The following PTPN3 variants were observed in gnomAD, a reference collection of about 807,000 sequenced individuals.
PTPN3 encodes the protein protein tyrosine phosphatase non-receptor type 3.
Under a neutral mutation model 132.7 loss-of-function variants are expected in PTPN3, and 96 were observed. The ratio of observed to expected loss-of-function variants is 0.72; its 90% CI spans 0.61 to 0.86. The LOEUF (loss-of-function observed/expected upper bound fraction) is 0.86. Ranked by LOEUF, PTPN3 falls within the 40% of genes least tolerant of loss-of-function variation. The pLI is 0.00. For missense variants in PTPN3, 1,125 were observed against 1,159.6 expected (o/e 0.97, Z 0.43); for synonymous variants, 398 against 429.0 (o/e 0.93, Z 0.89).
the PTPN3 span, among the ~76,000 whole-genome samples, chr9:109,514,815 G>C: frequency 7.2e-5 from 11 of 152,130 alleles, no homozygotes; most frequent in Non-Finnish European, 1.3e-4. Context: ...TGTTAGATGT[G>C]AGGCAATTAG....
Position 109,417,663 on chromosome 9 carries a change from C to A in PTPN3, c.1313+2761G>T, listed in dbSNP as rs1460218736. ...AGACCCAGCACAAAGTGGCTTCCCA[C>A]CGGCAGGAAGAGGTCTCCCACCTAA... On this transcript the variant is annotated intron_variant, in intron 14 of 25. Coordinates refer to ENST00000374541, the MANE Select transcript of PTPN3 (RefSeq NM_002829.4). The A allele has an allele frequency of 1.1e-5, 11 of 985,208 alleles. No individual in the cohort carries two copies. The Admixed American group carries it at 1.8e-4, about 17-fold the overall frequency. The allele number at this position is 985,208 out of a possible 1,614,324, so 61.0% of individuals were successfully genotyped here.
At chr9:109,506,625 C>T in the PTPN3 span, among the ~76,000 whole-genome samples, 1 of 136,302 alleles carries the variant, frequency 7.3e-6, no homozygotes, top group African/African-American at 2.7e-5. Context: ...TTTTTTGCGA[C>T]AGGGTCTATC....
At chr9:109,386,049 A>C (rs1035630216) in intron 22 of PTPN3, among the ~76,000 whole-genome samples, 4 of 152,176 alleles carry the variant, frequency 2.6e-5, no homozygotes, top group Admixed American at 6.5e-5. Flanking sequence ...GGTGAACACA[A>C]ATGGGACATA....
chr9:109,392,011 CTA>C (rs1840163016), intron 19 of PTPN3, among the ~76,000 whole-genome samples: 3 of 152,068 alleles, frequency 2.0e-5, no homozygotes, highest in Non-Finnish European at 4.4e-5. Flanking sequence ...TTTCAGGAGT[CTA>C]TTTCCACAGG....
the PTPN3 span, among the ~76,000 whole-genome samples, chr9:109,532,598 A>G: frequency 8.8e-6 from 1 of 113,856 alleles, no homozygotes; most frequent in East Asian, 2.1e-4. Context: ...AAAAAAAAGA[A>G]CTAAACTAAA....
intron 10 of PTPN3, among the ~76,000 whole-genome samples, chr9:109,432,587 C>A (rs1349566443): frequency 6.6e-6 from 1 of 152,220 alleles, no homozygotes; most frequent in African/African-American, 2.4e-5. Context: ...GCGGGACAGG[C>A]TGGCCTACAG....
intron 10 of PTPN3, among the ~76,000 whole-genome samples, chr9:109,431,569 G>C (rs1843666287): frequency 1.3e-5 from 2 of 152,312 alleles, no homozygotes; most frequent in South Asian, 2.1e-4. Flanking sequence ...AAAGAGATGA[G>C]GTGAATGAAA....
At chr9:109,434,577 G>A (rs920245647) in intron 9 of PTPN3, among the ~76,000 whole-genome samples, 1 of 152,218 alleles carries the variant, frequency 6.6e-6, no homozygotes, top group African/African-American at 2.4e-5. Flanking sequence ...CAAAGTGCTG[G>A]GGTTAAAGGC....
chr9:109,392,115 C>A (rs1840174689), intron 19 of PTPN3, among the ~76,000 whole-genome samples: 1 of 152,186 alleles, frequency 6.6e-6, no homozygotes, highest in African/African-American at 2.4e-5. Context: ...ACAACACAAT[C>A]TTTGCATATC....
At chr9:109,395,812 C>T (rs1840540693) in intron 19 of PTPN3, among the ~76,000 whole-genome samples, 1 of 148,906 alleles carries the variant, frequency 6.7e-6, no homozygotes, top group Non-Finnish European at 1.5e-5. Context: ...GTGTGTGTCT[C>T]TCTCTCTCTA....
intron 22 of PTPN3, among the ~76,000 whole-genome samples, chr9:109,385,480 G>A (rs1839501631): frequency 6.6e-6 from 1 of 152,128 alleles, no homozygotes. Flanking sequence ...ACCCTATGAG[G>A]TAGGTACTAT....
chr9:109,394,454 ATT>A (rs11407022), intron 19 of PTPN3, among the ~76,000 whole-genome samples: 24 of 140,062 alleles, frequency 1.7e-4, no homozygotes, highest in South Asian at 2.3e-4. Flanking sequence ...CAGTGTTTAC[ATT>A]TTTTTTTTTT....
chr9:109,475,111 C>A lies in PTPN3; in HGVS notation c.-17-11660G>T, dbSNP rs539814487. Among the ~76,000 whole-genome samples the A allele has an allele frequency of 2.0e-3, 302 of 152,204 alleles. 14 individuals carry two copies. In the South Asian group the frequency reaches 0.059, roughly 30 times the overall value. ...ACCTGCACAAATATGGAAGGAAGTGCCCTGTAAGAGAGTGAGCTCCTCATC... is the reference window on the plus strand; with the variant it reads ...ACCTGCACAAATATGGAAGGAAGTGACCTGTAAGAGAGTGAGCTCCTCATC... On this transcript the variant is annotated intron_variant, in intron 1 of 25. Coordinates refer to ENST00000374541, the MANE Select transcript of PTPN3 (RefSeq NM_002829.4).
Position 109,406,449 on chromosome 9 carries a change from A to AG in PTPN3, c.1792+12dup. The AG allele has an allele frequency of 6.2e-7, 1 of 1,610,724 alleles. No homozygotes were observed. The highest frequency in any genetic ancestry group is 8.5e-7 in the Non-Finnish European group (1 of 1,177,882). Reference sequence around the variant, plus strand: ...CAGCTTCCCTATGGCTCCTCCCCCCAGGTGGCCATTACCTCTCCTCCTGAT... The same window carrying AG: ...CAGCTTCCCTATGGCTCCTCCCCCCAGGGTGGCCATTACCTCTCCTCCTGAT... On this transcript the variant is annotated intron_variant, in intron 18 of 25. Coordinates refer to ENST00000374541, the MANE Select transcript of PTPN3 (RefSeq NM_002829.4).
At chr9:109,467,271 T>TC (rs1208617435) in intron 1 of PTPN3, among the ~76,000 whole-genome samples, 2 of 152,202 alleles carry the variant, frequency 1.3e-5, no homozygotes. Flanking sequence ...GGTTACATTT[T>TC]TTTTTTTCAA....
intron 1 of PTPN3, among the ~76,000 whole-genome samples, chr9:109,494,938 C>A (rs1847613131): frequency 6.6e-6 from 1 of 152,040 alleles, no homozygotes; most frequent in African/African-American, 2.4e-5. Context: ...CAGGTGCACA[C>A]ACAAGCAGAA....
intron 18 of PTPN3, 46 bp from the exon 19 acceptor site, chr9:109,404,654 G>T: frequency 7.3e-7 from 1 of 1,378,676 alleles, no homozygotes; most frequent in African/African-American, 1.4e-5. Context: ...GCAATACTCA[G>T]GTTTATCCGT....
At chr9:109,506,519 C>T in the PTPN3 span, among the ~76,000 whole-genome samples, 1 of 151,254 alleles carries the variant, frequency 6.6e-6, no homozygotes, top group Non-Finnish European at 1.5e-5. Context: ...TTCCTTCTTT[C>T]CTTCCTTCCT....
chr9:109,467,185 G>A (rs754864412), intron 1 of PTPN3, among the ~76,000 whole-genome samples: 4 of 152,034 alleles, frequency 2.6e-5, no homozygotes, highest in Non-Finnish European at 5.9e-5. Context: ...CAACAAATGT[G>A]TTCCATAATG....
Sources: gnomAD v4.1 joint callset for allele counts (sites outside exome capture counted in the v4.1 genomes callset) on GRCh38, gnomAD v4.1.1 for gene constraint, MANE v1.5 for transcripts, NCBI Gene and HGNC (gene_info 2026-07-23, HGNC 2026-07-21) for gene names.